ZDHHC2: variants seen among roughly 807,000 people sequenced by gnomAD.
The protein encoded by ZDHHC2 is zDHHC palmitoyltransferase 2.
In ZDHHC2, 51 loss-of-function variants were observed where a neutral mutation model predicts 55.6. That is an observed-to-expected ratio of 0.92 (90% CI 0.73 to 1.16). The LOEUF is 1.16. Ranked by LOEUF, ZDHHC2 falls within the 50% of genes most tolerant of loss-of-function variation. The pLI is 0.00. For missense variants in ZDHHC2, 491 were observed against 442.4 expected (o/e 1.11, Z -0.99); for synonymous variants, 199 against 152.9 (o/e 1.30, Z -2.22).
intron 4 of ZDHHC2, among the ~76,000 whole-genome samples, chr8:17,196,229 A>G (rs988806690): frequency 2.0e-5 from 3 of 152,104 alleles, no homozygotes; most frequent in African/African-American, 4.8e-5. Context: ...ACCCACCAAG[A>G]CTTGCCCAGA....
At chr8:17,167,050 C>T (rs1464542337) in intron 1 of ZDHHC2, among the ~76,000 whole-genome samples, 1 of 152,160 alleles carries the variant, frequency 6.6e-6, no homozygotes, top group Non-Finnish European at 1.5e-5. Context: ...GTAACCATGT[C>T]TGGTTTATGC....
chr8:17,157,724 T>C (rs1804133425), intron 1 of ZDHHC2, among the ~76,000 whole-genome samples: 1 of 152,250 alleles, frequency 6.6e-6, no homozygotes, highest in Non-Finnish European at 1.5e-5. Flanking sequence ...CAGAAAAAGA[T>C]GTTAAAACAG....
intron 3 of ZDHHC2, among the ~76,000 whole-genome samples, chr8:17,192,115 CTG>C (rs1180866300): frequency 3.9e-5 from 6 of 152,288 alleles, no homozygotes; most frequent in African/African-American, 1.4e-4. Flanking sequence ...CCCTAAGTAG[CTG>C]TGACTACAGG....
intron 3 of ZDHHC2, among the ~76,000 whole-genome samples, chr8:17,188,935 G>A (rs72607372): frequency 0.15 from 22,524 of 151,754 alleles, 2,198 homozygotes; most frequent in Admixed American, 0.29. Flanking sequence ...TTTTTCTCTC[G>A]GACGCCACAT....
At chr8:17,220,065 C>T (rs191971977) in intron 12 of ZDHHC2, among the ~76,000 whole-genome samples, 191 bp from the exon 13 acceptor site, 5 of 152,010 alleles carry the variant, frequency 3.3e-5, no homozygotes, top group East Asian at 1.9e-4. Context: ...AGGATCCTTT[C>T]GTATATGCAT....
intron 7 of ZDHHC2, among the ~76,000 whole-genome samples, chr8:17,206,814 C>A (rs374176296): frequency 6.6e-6 from 1 of 152,104 alleles, no homozygotes. Context: ...ATTAAATTAT[C>A]TTTATTATGG....
intron 6 of ZDHHC2, among the ~76,000 whole-genome samples, chr8:17,199,499 C>G (rs1806532421): frequency 2.6e-5 from 1 of 37,922 alleles, no homozygotes; most frequent in Non-Finnish European, 7.2e-5. Flanking sequence ...TCTTCTTCTT[C>G]TTCTTCTTCT....
chr8:17,184,128 C>G (rs1356591645), intron 1 of ZDHHC2, among the ~76,000 whole-genome samples: 1 of 152,162 alleles, frequency 6.6e-6, no homozygotes. Flanking sequence ...AAAAGGCGTA[C>G]ATATGTCTTG....
At chr8:17,191,842 G>A (rs1486050582) in intron 3 of ZDHHC2, among the ~76,000 whole-genome samples, 1 of 152,182 alleles carries the variant, frequency 6.6e-6, no homozygotes, top group African/African-American at 2.4e-5. Context: ...ACTCACAGTA[G>A]AATTGCTGGG....
At chr8:17,200,127 C>T (rs1407948255) in intron 6 of ZDHHC2, among the ~76,000 whole-genome samples, 1 of 152,136 alleles carries the variant, frequency 6.6e-6, no homozygotes, top group Non-Finnish European at 1.5e-5. Context: ...CCACCTGTAT[C>T]CCCATGACCC....
At position 17,197,640 on chromosome 8, in the gene ZDHHC2, C is replaced by T. The variant is rs1287883026; in HGVS notation, c.432C>T (p.Ser144=). The T allele has an allele frequency of 1.1e-5, 18 of 1,613,390 alleles. No individual in the cohort carries two copies. Among genetic ancestry groups the T allele is most frequent in the East Asian group, 4.5e-5 (2 of 44,882 alleles). ...LIKPDRCHHC[S]VCDKCILKMD... ...AACCAGATCGCTGCCATCACTGCTC[C>T]GTCTGTGATAAGTAAGAGAACCTTT... Residue 144 remains serine (S), a synonymous_variant, in exon 5 of 13, where the codon TCC becomes TCT. Coordinates refer to ENST00000262096, the MANE Select transcript of ZDHHC2 (RefSeq NM_016353.5).
intron 11 of ZDHHC2, among the ~76,000 whole-genome samples, chr8:17,216,878 G>A (rs1807675680): frequency 6.6e-6 from 1 of 152,122 alleles, no homozygotes; most frequent in South Asian, 2.1e-4. Flanking sequence ...GTTGATGTAA[G>A]CTGATGTGAG....
intron 1 of ZDHHC2, among the ~76,000 whole-genome samples, chr8:17,158,369 A>T (rs1043899496): frequency 6.6e-6 from 1 of 152,202 alleles, no homozygotes; most frequent in African/African-American, 2.4e-5. Context: ...AAGAAGGGAC[A>T]TCCTAGAAGG....
At chr8:17,176,957 GT>G (rs1173379332) in intron 1 of ZDHHC2, among the ~76,000 whole-genome samples, 1 of 152,134 alleles carries the variant, frequency 6.6e-6, no homozygotes, top group Non-Finnish European at 1.5e-5. Context: ...AACTGAAAAT[GT>G]TAACGTGAAT....
At position 17,209,912 on chromosome 8, in the gene ZDHHC2, C is replaced by G; in HGVS notation, c.731-20C>G. 1 of 1,599,498 alleles carries G rather than the reference C, an allele frequency of 6.3e-7. No homozygotes were observed. The highest frequency in any genetic ancestry group is 8.5e-7 in the Non-Finnish European group (1 of 1,174,090). On this transcript the variant is annotated intron_variant, in intron 8 of 12. Transcript: ENST00000262096. Reference sequence around the variant, plus strand: ...AAATATGTTCTTTACTCATGTGATTCCTTTACCATCTTTTTTTAGAGGCAT... The same window carrying G: ...AAATATGTTCTTTACTCATGTGATTGCTTTACCATCTTTTTTTAGAGGCAT...
At chr8:17,161,673 C>T (rs1052651255) in intron 1 of ZDHHC2, among the ~76,000 whole-genome samples, 1 of 152,102 alleles carries the variant, frequency 6.6e-6, no homozygotes, top group Non-Finnish European at 1.5e-5. Context: ...GCCTGGCCAA[C>T]ATAGTGGAAC....
chr8:17,196,101 T>G (rs1204444181), intron 4 of ZDHHC2, among the ~76,000 whole-genome samples: 1 of 152,182 alleles, frequency 6.6e-6, no homozygotes, highest in Non-Finnish European at 1.5e-5. Context: ...TCTTTAAAAT[T>G]TTCTTACAAA....
At chr8:17,204,315 T>G (rs73198521) in intron 6 of ZDHHC2, among the ~76,000 whole-genome samples, 2,490 of 152,356 alleles carry the variant, frequency 0.016, 41 homozygotes, top group Non-Finnish European at 0.022. Flanking sequence ...AGATGATTTT[T>G]ACCTACGTTA....
chr8:17,184,916 T>A (rs918770407), intron 2 of ZDHHC2, 101 bp downstream of exon 2: 5 of 1,058,482 alleles, frequency 4.7e-6, no homozygotes, highest in Non-Finnish European at 6.8e-6. Context: ...TGTTTGAGAA[T>A]GTGGAGACAA....
Sources: gnomAD v4.1 joint callset for allele counts (sites outside exome capture counted in the v4.1 genomes callset) on GRCh38, gnomAD v4.1.1 for gene constraint, MANE v1.5 for transcripts, NCBI Gene and HGNC (gene_info 2026-07-23, HGNC 2026-07-21) for gene names.